NTNG1: variants seen among roughly 807,000 people sequenced by gnomAD.
The protein encoded by NTNG1 is netrin G1.
In NTNG1, 16 loss-of-function variants were observed where a neutral mutation model predicts 54.0. The ratio of observed to expected loss-of-function variants is 0.30; its 90% CI spans 0.20 to 0.45. The LOEUF (loss-of-function observed/expected upper bound fraction) is 0.45. Ranked by LOEUF, NTNG1 falls within the 20% of genes least tolerant of loss-of-function variation. NTNG1 has a pLI of 1.00. For missense variants in NTNG1, 530 were observed against 678.7 expected (o/e 0.78, Z 2.43); for synonymous variants, 255 against 263.1 (o/e 0.97, Z 0.30).
intron 2 of NTNG1, among the ~76,000 whole-genome samples, chr1:107,317,934 A>G (rs1667429643): frequency 6.6e-6 from 1 of 152,126 alleles, no homozygotes; most frequent in Admixed American, 6.6e-5. Flanking sequence ...ATCCTCTACT[A>G]TTCTTAGGGT....
At chr1:107,475,436 C>A (rs989617091) in intron 7 of NTNG1, among the ~76,000 whole-genome samples, 6 of 152,164 alleles carry the variant, frequency 3.9e-5, no homozygotes, top group African/African-American at 1.2e-4. Flanking sequence ...TGCTTCTATG[C>A]AAGCAAATTA....
chr1:107,365,467 G>T (rs564571280), intron 3 of NTNG1, among the ~76,000 whole-genome samples: 1 of 151,936 alleles, frequency 6.6e-6, no homozygotes, highest in Non-Finnish European at 1.5e-5. Context: ...GAAGTTAAAG[G>T]ATAATAAAAA....
chr1:107,352,838 C>T (rs1669705307), intron 3 of NTNG1, among the ~76,000 whole-genome samples: 1 of 152,214 alleles, frequency 6.6e-6, no homozygotes, highest in Non-Finnish European at 1.5e-5. Flanking sequence ...ATGGAAACCA[C>T]CAAGGCTTAT....
intron 2 of NTNG1, among the ~76,000 whole-genome samples, chr1:107,307,846 T>G (rs907396618): frequency 2.6e-5 from 4 of 152,168 alleles, no homozygotes; most frequent in African/African-American, 9.7e-5. Context: ...ACTTGGCATT[T>G]GTCCTTGGCC....
intron 2 of NTNG1, among the ~76,000 whole-genome samples, chr1:107,284,016 T>C (rs1378987396): frequency 1.3e-5 from 2 of 152,202 alleles, no homozygotes; most frequent in East Asian, 3.8e-4. Flanking sequence ...CTCAGGCAAA[T>C]GTTATCTTCC....
chr1:107,451,108 C>CTTTT lies in NTNG1; in HGVS notation c.1390+14322_1390+14325dup, dbSNP rs55906603. Among the ~76,000 whole-genome samples, 370 of 138,376 alleles carry CTTTT rather than the reference C, an allele frequency of 2.7e-3. 2 individuals are homozygous for CTTTT. Among genetic ancestry groups the CTTTT allele is most frequent in the Non-Finnish European group, 4.6e-3 (300 of 64,798 alleles). The allele number at this position is 138,376 out of a possible 152,430, so 90.8% of individuals were successfully genotyped here. On this transcript the variant is annotated intron_variant, in intron 7 of 7. Coordinates refer to ENST00000370068, the MANE Select transcript of NTNG1 (RefSeq NM_001113226.3). ...AATTCCCTTTTTTCTTTCTTTCTTTCTTTTTTTTTTTTTTTTAGAACTCCT... is the reference window on the plus strand; with the variant it reads ...AATTCCCTTTTTTCTTTCTTTCTTTCTTTTTTTTTTTTTTTTTTTTAGAACTCCT...
chr1:107,439,488 T>A (rs1368678108), intron 7 of NTNG1, among the ~76,000 whole-genome samples: 1 of 152,048 alleles, frequency 6.6e-6, no homozygotes. Context: ...AAGGAACAGA[T>A]TTGTTTTTAA....
intron 3 of NTNG1, among the ~76,000 whole-genome samples, chr1:107,345,468 G>A (rs755970810): frequency 1.3e-5 from 2 of 152,214 alleles, no homozygotes; most frequent in Admixed American, 6.5e-5. Context: ...CTGTGGCACA[G>A]AAGTTACAAA....
At chr1:107,473,234 A>G (rs1270455271) in intron 7 of NTNG1, among the ~76,000 whole-genome samples, 4 of 152,204 alleles carry the variant, frequency 2.6e-5, no homozygotes, top group Admixed American at 6.5e-5. Flanking sequence ...AAGTCTATAA[A>G]TACAGACCCA....
At chr1:107,425,439 T>G (rs553913752) in intron 5 of NTNG1, among the ~76,000 whole-genome samples, 78 of 152,224 alleles carry the variant, frequency 5.1e-4, no homozygotes, top group Middle Eastern at 3.4e-3. Flanking sequence ...CAATATTTGA[T>G]TCTCTGCTTC....
chr1:107,398,053 C>CATCCCCT (rs1324028659), intron 4 of NTNG1, among the ~76,000 whole-genome samples: 1 of 151,814 alleles, frequency 6.6e-6, no homozygotes, highest in African/African-American at 2.4e-5. Flanking sequence ...TAGGATATAT[C>CATCCCCT]ATCCCCTAAC....
chr1:107,253,610 C>T (rs948158197), intron 2 of NTNG1, among the ~76,000 whole-genome samples: 8 of 152,084 alleles, frequency 5.3e-5, no homozygotes, highest in Non-Finnish European at 8.8e-5. Context: ...CTGCTCTTCC[C>T]CAGAAGGCAA....
intron 7 of NTNG1, among the ~76,000 whole-genome samples, chr1:107,476,389 T>C (rs1463375259): frequency 6.6e-6 from 1 of 152,104 alleles, no homozygotes; most frequent in African/African-American, 2.4e-5. Context: ...TCCAAATTTG[T>C]GTCTCCAGGA....
chr1:107,204,825 T>A (rs746558933), intron 2 of NTNG1, among the ~76,000 whole-genome samples: 8 of 152,154 alleles, frequency 5.3e-5, no homozygotes, highest in Non-Finnish European at 1.0e-4. Context: ...CATACCCTTC[T>A]TGACTACTGG....
intron 2 of NTNG1, among the ~76,000 whole-genome samples, chr1:107,164,896 G>T (rs1655663992): frequency 6.6e-6 from 1 of 152,194 alleles, no homozygotes; most frequent in African/African-American, 2.4e-5. Context: ...ACCTAGACAA[G>T]GGAGGGGAAG....
chr1:107,462,804 G>T (rs1381738602), intron 7 of NTNG1, among the ~76,000 whole-genome samples: 1 of 152,132 alleles, frequency 6.6e-6, no homozygotes, highest in Non-Finnish European at 1.5e-5. Context: ...ATTTTTATTT[G>T]TTGGTACCTA....
chr1:107,143,602 G>A (rs1189148143), intron 1 of NTNG1, among the ~76,000 whole-genome samples: 1 of 152,036 alleles, frequency 6.6e-6, no homozygotes, highest in Non-Finnish European at 1.5e-5. Flanking sequence ...TATTGTATAG[G>A]AGATTATATT....
chr1:107,425,803 T>C (rs1674874819), intron 5 of NTNG1, among the ~76,000 whole-genome samples: 1 of 152,168 alleles, frequency 6.6e-6, no homozygotes, highest in Non-Finnish European at 1.5e-5. Context: ...ACCAACAGTA[T>C]ATGAGTATTC....
intron 2 of NTNG1, among the ~76,000 whole-genome samples, chr1:107,172,776 T>C (rs17447233): frequency 0.026 from 3,950 of 152,260 alleles, 68 homozygotes; most frequent in Non-Finnish European, 0.035. Flanking sequence ...GGGACTCTCA[T>C]AAATAGAAAT....
Sources: gnomAD v4.1 joint callset for allele counts (sites outside exome capture counted in the v4.1 genomes callset) on GRCh38, gnomAD v4.1.1 for gene constraint, MANE v1.5 for transcripts, NCBI Gene and HGNC (gene_info 2026-07-23, HGNC 2026-07-21) for gene names.